HELLS: variants seen among roughly 807,000 people sequenced by gnomAD.
The protein encoded by HELLS is lymphoid-specific helicase.
A neutral mutation model predicts 120.0 loss-of-function variants in HELLS; 32 were observed. The ratio of observed to expected loss-of-function variants is 0.27; its 90% CI spans 0.20 to 0.36. HELLS has a LOEUF of 0.36. HELLS is among the 10% of genes least tolerant of loss of function. HELLS has a pLI of 1.00. For synonymous variants in HELLS, 341 were observed against 323.4 expected (o/e 1.05, Z -0.58); for missense variants, 650 against 993.4 (o/e 0.65, Z 4.65).
At chr10:94,606,958 C>T (rs2134144436), downstream of HELLS, among the ~76,000 whole-genome samples, 1 of 152,300 alleles carries the variant, frequency 6.6e-6, no homozygotes, top group Non-Finnish European at 1.5e-5. Context: ...GAGAAATTCT[C>T]TAATCACTTG....
At chr10:94,566,716 C>T (rs888384244) in intron 6 of HELLS, among the ~76,000 whole-genome samples, 1 of 151,210 alleles carries the variant, frequency 6.6e-6, no homozygotes, top group Non-Finnish European at 1.5e-5. Flanking sequence ...GTGGTGATCT[C>T]GGCTCACTGC....
chr10:94,585,362 GT>G (rs11288915), intron 12 of HELLS, among the ~76,000 whole-genome samples: 60,938 of 120,944 alleles, frequency 0.5, 13,601 homozygotes, highest in East Asian at 0.74. Context: ...TTTTTGTTTT[GT>G]TTTTTTTTTT....
downstream of HELLS, among the ~76,000 whole-genome samples, chr10:94,605,085 C>CT (rs397699673): frequency 8.7e-5 from 7 of 80,482 alleles, no homozygotes; most frequent in African/African-American, 1.3e-4. Context: ...CCCCCCCCCC[C>CT]TTTTTTTTTC....
chr10:94,591,646 G>T (rs145442143), intron 15 of HELLS, among the ~76,000 whole-genome samples: 1 of 152,208 alleles, frequency 6.6e-6, no homozygotes, highest in African/African-American at 2.4e-5. Context: ...GTTTGCTGCC[G>T]CTGCCAAATA....
At chr10:94,598,973 A>G (rs1323685152) in intron 21 of HELLS, among the ~76,000 whole-genome samples, 1 of 152,246 alleles carries the variant, frequency 6.6e-6, no homozygotes, top group East Asian at 1.9e-4. Context: ...TTGATCATAA[A>G]TATAAGGATT....
At chr10:94,564,839 CA>C (rs1564586574) in intron 6 of HELLS, among the ~76,000 whole-genome samples, 1 of 152,060 alleles carries the variant, frequency 6.6e-6, no homozygotes, top group Non-Finnish European at 1.5e-5. Context: ...AGGTGATCCT[CA>C]CGCCTTTATC....
intron 18 of HELLS, among the ~76,000 whole-genome samples, 198 bp from the exon 19 acceptor site, chr10:94,594,497 G>A (rs1564616487): frequency 6.6e-6 from 1 of 152,078 alleles, no homozygotes; most frequent in East Asian, 1.9e-4. Context: ...TTTCTTTAGG[G>A]TATTTAAACT....
At chr10:94,595,592 T>G (rs1355785558) in intron 19 of HELLS, among the ~76,000 whole-genome samples, 1 of 152,194 alleles carries the variant, frequency 6.6e-6, no homozygotes, top group Non-Finnish European at 1.5e-5. Context: ...TTTCATTTCC[T>G]TATCATAACC....
chr10:94,549,945 A>C (rs1842902169), intron 2 of HELLS, among the ~76,000 whole-genome samples: 1 of 151,982 alleles, frequency 6.6e-6, no homozygotes, highest in Non-Finnish European at 1.5e-5. Flanking sequence ...TTTGAGACAG[A>C]GTTTCACTCT....
intron 2 of HELLS, among the ~76,000 whole-genome samples, chr10:94,552,483 C>A (rs761420282): frequency 2.0e-5 from 3 of 152,178 alleles, no homozygotes; most frequent in Non-Finnish European, 2.9e-5. Flanking sequence ...GTAATTCTTA[C>A]AATTTTTCAG....
rs1843610402 is a variant in HELLS at position 94,562,577 on chromosome 10, G to A, written c.334-114G>A. 4.4e-6 allele frequency: 3 copies of A among 684,664 alleles called. 1 individual carries two copies. The South Asian group carries it at 6.2e-5, about 14-fold the overall frequency. 42.4% of individuals were successfully genotyped at this position (684,664 alleles called of 1,614,324 possible). On this transcript the variant is annotated intron_variant, in intron 4 of 21. Coordinates refer to ENST00000348459, the MANE Select transcript of HELLS (RefSeq NM_018063.5). The stretch of plus-strand genomic sequence containing the variant: ...GGTAAGTATAATAGTGAAAAATTGT[G>A]GATGTGGCTCAATTGCAGGAAACAT...
intron 9 of HELLS, among the ~76,000 whole-genome samples, chr10:94,576,016 G>A (rs1291767943): frequency 6.6e-6 from 1 of 151,978 alleles, no homozygotes; most frequent in African/African-American, 2.4e-5. Context: ...AGGCTGGTCT[G>A]GAACTCCCGA....
intron 3 of HELLS, among the ~76,000 whole-genome samples, chr10:94,555,767 T>G (rs80268888): frequency 0.022 from 3,355 of 152,262 alleles, 124 homozygotes; most frequent in African/African-American, 0.075. Context: ...TAGCTGGGAC[T>G]ACAGGAGCAC....
chr10:94,601,657 T>C lies in HELLS; in HGVS notation c.*35T>C. The C allele has an allele frequency of 9.0e-7, 1 of 1,108,384 alleles. No homozygotes were observed. The highest frequency in any genetic ancestry group is 2.1e-5 in the Admixed American group (1 of 47,072). 68.7% of individuals were successfully genotyped at this position (1,108,384 alleles called of 1,614,324 possible). ...CAAGAATAGCTTTTAAAAGTTCTTA[T>C]TTACATCTAGTGATTTCCCTGTATT... On this transcript the variant is annotated 3_prime_UTR_variant, in exon 22 of 22. Coordinates refer to ENST00000348459, the MANE Select transcript of HELLS (RefSeq NM_018063.5).
chr10:94,594,761 G>T lies in HELLS; in HGVS notation c.2155G>T (p.Val719Phe). Residue 719 changes from valine to phenylalanine, a missense_variant, in exon 19 of 22, where the codon GTT becomes TTT. Val to Phe is a conservative substitution (Grantham distance 50). Around this residue, in one of 9 missense-constraint regions of HELLS, gnomAD observed 22 missense variants for 78.2 expected, o/e 0.28. Transcript: ENST00000348459. ...AATTGGTCAGACAAAGCCAGTTGTTGTTTATCGCCTTGTTACAGCAAATAC... is the reference window on the plus strand; with the variant it reads ...AATTGGTCAGACAAAGCCAGTTGTTTTTTATCGCCTTGTTACAGCAAATAC... ...HRIGQTKPVV[V>F]YRLVTANTID... is the part of the protein sequence containing the mutation. The T allele has an allele frequency of 6.2e-7, 1 of 1,613,808 alleles. No homozygotes were observed. The highest frequency in any genetic ancestry group is 8.5e-7 in the Non-Finnish European group (1 of 1,179,736).
chr10:94,594,340 A>G (rs1447500388), intron 18 of HELLS, among the ~76,000 whole-genome samples: 1 of 152,032 alleles, frequency 6.6e-6, no homozygotes, highest in African/African-American at 2.4e-5. Context: ...TGGGTGTGCT[A>G]CCATGCCCAC....
intron 2 of HELLS, chr10:94,551,059 T>G (rs1466839066): frequency 1.3e-5 from 2 of 152,198 alleles, no homozygotes; most frequent in Non-Finnish European, 2.9e-5. Context: ...ACCTCAGTAG[T>G]TGCGTATTGT....
At position 94,581,413 on chromosome 10, in the gene HELLS, A is replaced by G. The variant is rs1844862225; in HGVS notation, c.1120A>G (p.Asn374Asp). 1 of 1,612,266 alleles carries G rather than the reference A, an allele frequency of 6.2e-7. No homozygotes were observed. Among genetic ancestry groups the G allele is most frequent in the Non-Finnish European group, 8.5e-7 (1 of 1,178,708 alleles). ...TCTAATCAGGGAGTTAAAACGATTC[A>G]ATGCTGATAACAAACTTCTTTTGAC... ...CRLIRELKRFNADNKLLLTGT... is the reference protein window; with the variant it reads ...CRLIRELKRFDADNKLLLTGT... The change falls in exon 11 of 22, where the codon AAT (asparagine) becomes GAT (aspartate). Residue 374 changes from asparagine (N) to aspartate (D), a missense_variant. Physicochemically the swap from Asn to Asp is conservative, Grantham distance 23. Transcript: ENST00000348459.
chr10:94,557,222 AG>A, intron 3 of HELLS: 1 of 413,766 alleles, frequency 2.4e-6, no homozygotes, highest in Non-Finnish European at 4.9e-6. Context: ...GAGAGAATAC[AG>A]TAAGTCCCGG....
Sources: gnomAD v4.1 joint callset for allele counts (sites outside exome capture counted in the v4.1 genomes callset) on GRCh38, gnomAD v4.1.1 for gene constraint, gnomAD v4.1.1 regional missense constraint, MANE v1.5 for transcripts, NCBI Gene and HGNC (gene_info 2026-07-23, HGNC 2026-07-21) for gene names.